The following DLG2 variants were observed in gnomAD, a reference collection of about 807,000 sequenced individuals.
DLG2 encodes the protein discs large MAGUK scaffold protein 2, also known as disks large homolog 2.
In DLG2, 45 loss-of-function variants were observed where a neutral mutation model predicts 132.5. That is an observed-to-expected ratio of 0.34 (90% CI 0.27 to 0.44). DLG2 has a LOEUF of 0.44. Ranked by LOEUF, DLG2 falls within the 20% of genes least tolerant of loss-of-function variation. DLG2 has a pLI of 1.00. For synonymous variants in DLG2, 424 were observed against 419.6 expected (o/e 1.01, Z -0.13); for missense variants, 1,045 against 1,196.9 (o/e 0.87, Z 1.87).
intron 21 of DLG2, among the ~76,000 whole-genome samples, chr11:83,506,676 C>T (rs769156873): frequency 1.1e-4 from 17 of 152,118 alleles, no homozygotes; most frequent in Non-Finnish European, 2.4e-4. Context: ...GGGATGTTGA[C>T]ACTACTGGGG....
At chr11:84,905,727 T>G (rs911992689) in intron 6 of DLG2, among the ~76,000 whole-genome samples, 3 of 152,184 alleles carry the variant, frequency 2.0e-5, no homozygotes, top group African/African-American at 7.2e-5. Context: ...GTATTTTTTA[T>G]AGTCTATTCC....
intron 6 of DLG2, among the ~76,000 whole-genome samples, chr11:84,966,531 T>C (rs2053372378): frequency 6.6e-6 from 1 of 152,068 alleles, no homozygotes; most frequent in Non-Finnish European, 1.5e-5. Flanking sequence ...GGAAGACGAA[T>C]CTACTGGTGG....
At chr11:83,652,833 TG>T (rs2071019190) in intron 18 of DLG2, among the ~76,000 whole-genome samples, 1 of 152,238 alleles carries the variant, frequency 6.6e-6, no homozygotes, top group African/African-American at 2.4e-5. Context: ...AGTTATATTT[TG>T]GGTTTCCTTA....
intron 11 of DLG2, among the ~76,000 whole-genome samples, chr11:84,022,542 A>G (rs2095424301): frequency 6.6e-6 from 1 of 152,232 alleles, no homozygotes; most frequent in Admixed American, 6.5e-5. Flanking sequence ...AGCTGCTAGC[A>G]GGAGAGGAAA....
At chr11:84,027,580 T>C (rs1279215806) in intron 11 of DLG2, among the ~76,000 whole-genome samples, 3 of 152,180 alleles carry the variant, frequency 2.0e-5, no homozygotes, top group Non-Finnish European at 4.4e-5. Context: ...ACTTTAAACA[T>C]GAAAGTGTTA....
intron 7 of DLG2, among the ~76,000 whole-genome samples, chr11:84,403,689 A>G (rs906771543): frequency 6.6e-6 from 1 of 152,140 alleles, no homozygotes; most frequent in Non-Finnish European, 1.5e-5. Context: ...CAAACTCTTC[A>G]ACTCTAACTT....
intron 17 of DLG2, among the ~76,000 whole-genome samples, chr11:83,801,794 G>A (rs2044467916): frequency 6.6e-6 from 1 of 151,854 alleles, no homozygotes; most frequent in Non-Finnish European, 1.5e-5. Context: ...CATAAGTAGA[G>A]ACCTTGAGTG....
chr11:84,492,013 G>A (rs1322998238), intron 7 of DLG2, among the ~76,000 whole-genome samples: 1 of 151,966 alleles, frequency 6.6e-6, no homozygotes, highest in Non-Finnish European at 1.5e-5. Flanking sequence ...ACATTCTAGA[G>A]GCTTTTAAAA....
intron 6 of DLG2, 57 bp downstream of exon 6, chr11:85,111,604 C>A: frequency 7.1e-7 from 1 of 1,414,884 alleles, no homozygotes; most frequent in Non-Finnish European, 9.5e-7. Flanking sequence ...TAAGATTATT[C>A]CAAAATATAA....
chr11:83,521,489 G>T (rs10898133), intron 21 of DLG2, among the ~76,000 whole-genome samples: 4 of 151,892 alleles, frequency 2.6e-5, no homozygotes, highest in African/African-American at 7.3e-5. Context: ...CTGATAACAC[G>T]TAGCAATTAC....
chr11:84,493,335 C>T (rs1183332988), intron 7 of DLG2, among the ~76,000 whole-genome samples: 1 of 152,090 alleles, frequency 6.6e-6, no homozygotes, highest in Non-Finnish European at 1.5e-5. Context: ...AGAACAAAGA[C>T]AATGATCAGT....
intron 16 of DLG2, among the ~76,000 whole-genome samples, chr11:83,839,295 T>C (rs1234143809): frequency 2.0e-5 from 3 of 152,196 alleles, no homozygotes; most frequent in Non-Finnish European, 4.4e-5. Flanking sequence ...TGATACTTAC[T>C]TTAATAGTGA....
chr11:85,586,128 G>A (rs1032305578), intron 3 of DLG2, among the ~76,000 whole-genome samples: 5 of 152,192 alleles, frequency 3.3e-5, no homozygotes, highest in Admixed American at 6.5e-5. Context: ...TTGTTAGCTA[G>A]TATTTTGTGG....
intron 5 of DLG2, among the ~76,000 whole-genome samples, chr11:85,112,104 T>A (rs912879803): frequency 6.6e-6 from 1 of 152,016 alleles, no homozygotes; most frequent in African/African-American, 2.4e-5. Flanking sequence ...ATCACATGAG[T>A]CAAGGTATAG....
intron 11 of DLG2, among the ~76,000 whole-genome samples, chr11:84,027,151 C>T (rs1169776774): frequency 6.6e-6 from 1 of 151,912 alleles, no homozygotes; most frequent in Non-Finnish European, 1.5e-5. Context: ...AACTATTGAC[C>T]CCAAGGGCAC....
At chr11:85,188,987 A>C (rs2080326487) in intron 4 of DLG2, among the ~76,000 whole-genome samples, 1 of 152,176 alleles carries the variant, frequency 6.6e-6, no homozygotes, top group Admixed American at 6.5e-5. Context: ...AGATCCATGA[A>C]ACTGAACAAA....
At chr11:83,992,788 G>T (rs2093796754) in intron 11 of DLG2, among the ~76,000 whole-genome samples, 1 of 152,120 alleles carries the variant, frequency 6.6e-6, no homozygotes, top group Non-Finnish European at 1.5e-5. Flanking sequence ...TGAATGCTAA[G>T]ATTGTAGGAT....
intron 7 of DLG2, among the ~76,000 whole-genome samples, chr11:84,429,629 T>C (rs534412347): frequency 6.6e-6 from 1 of 152,276 alleles, no homozygotes; most frequent in East Asian, 1.9e-4. Flanking sequence ...TATAAGCAAA[T>C]ACTACGAGGC....
Position 84,355,660 on chromosome 11 carries a change from A to G in DLG2, c.520-104369T>C, listed in dbSNP as rs1299691319. Among the ~76,000 whole-genome samples the G allele has an allele frequency of 7.9e-5, 12 of 152,270 alleles. No homozygotes were observed. In the East Asian group the frequency reaches 1.9e-3, roughly 25 times the overall value. On this transcript the variant is annotated intron_variant, in intron 7 of 27. Coordinates refer to ENST00000376104, the MANE Select transcript of DLG2 (RefSeq NM_001142699.3). ...ACTATGGTTATAGCTTTAGAGAGTCATTAGTACAATTAGAGCATGAGAAGA... is the reference window on the plus strand; with the variant it reads ...ACTATGGTTATAGCTTTAGAGAGTCGTTAGTACAATTAGAGCATGAGAAGA...
Sources: gnomAD v4.1 joint callset for allele counts (sites outside exome capture counted in the v4.1 genomes callset) on GRCh38, gnomAD v4.1.1 for gene constraint, MANE v1.5 for transcripts, NCBI Gene and HGNC (gene_info 2026-07-23, HGNC 2026-07-21) for gene names.